The following SMIM31 variants were observed in gnomAD, a reference collection of about 807,000 sequenced individuals.
SMIM31 encodes small integral membrane protein 31, also known as human epithelial cell program regulator.
At chr4:164,754,972 G>T (rs1449747455) in intron 1 of SMIM31, among the ~76,000 whole-genome samples, 3 of 150,414 alleles carry the variant, frequency 2.0e-5, no homozygotes, top group African/African-American at 7.3e-5. Flanking sequence ...GTTATTAAAA[G>T]CCTTTAGAAA....
At chr4:164,794,115 G>A (rs1317935613) in intron 2 of SMIM31, among the ~76,000 whole-genome samples, 3 of 152,196 alleles carry the variant, frequency 2.0e-5, no homozygotes, top group Non-Finnish European at 2.9e-5. Context: ...AGTGGCTCAC[G>A]TCTGTAACCC....
At chr4:164,783,726 G>A (rs773101107) in intron 2 of SMIM31, among the ~76,000 whole-genome samples, 2 of 151,928 alleles carry the variant, frequency 1.3e-5, no homozygotes, top group Non-Finnish European at 2.9e-5. Context: ...AGACCAGCCT[G>A]AGCAACACAG....
chr4:164,789,027 A>G (rs980506664), intron 2 of SMIM31, among the ~76,000 whole-genome samples: 8 of 151,076 alleles, frequency 5.3e-5, no homozygotes, highest in African/African-American at 2.0e-4. Flanking sequence ...AAAACAAGAT[A>G]CTGATTTGTG....
intron 2 of SMIM31, among the ~76,000 whole-genome samples, chr4:164,787,080 A>G (rs1441912968): frequency 6.6e-6 from 1 of 152,348 alleles, no homozygotes; most frequent in Non-Finnish European, 1.5e-5. Flanking sequence ...TCCTACCCTC[A>G]GGGATAGAAT....
chr4:164,771,693 C>T (rs1052887801), intron 2 of SMIM31, among the ~76,000 whole-genome samples: 7 of 152,168 alleles, frequency 4.6e-5, no homozygotes, highest in Non-Finnish European at 7.4e-5. Flanking sequence ...CCTGTAGCTC[C>T]AGCCACTCAG....
At chr4:164,777,002 T>C (rs930483375) in intron 2 of SMIM31, among the ~76,000 whole-genome samples, 3 of 152,220 alleles carry the variant, frequency 2.0e-5, no homozygotes, top group Non-Finnish European at 4.4e-5. Flanking sequence ...GACTTGTATA[T>C]GAGCAGAATC....
rs1169920655 is a variant in SMIM31 at position 164,802,480 on chromosome 4, T to C, written c.*1286T>C. The C allele has an allele frequency of 2.0e-5, 3 of 152,328 alleles. No individual in the cohort carries two copies. Among genetic ancestry groups the C allele is most frequent in the Non-Finnish European group, 2.9e-5 (2 of 68,122 alleles). The allele number at this position is 152,328 out of a possible 1,614,324, so 9.4% of individuals were successfully genotyped here. Reference sequence around the variant, plus strand: ...TCCAAATCCTGGACTCAAGCGATCCTCTGCCTTAGCCTCCCAAAGCACTGG... The same window carrying C: ...TCCAAATCCTGGACTCAAGCGATCCCCTGCCTTAGCCTCCCAAAGCACTGG... On this transcript the variant is annotated 3_prime_UTR_variant, in exon 3 of 3. Transcript: ENST00000507311.
intron 2 of SMIM31, among the ~76,000 whole-genome samples, chr4:164,794,760 A>G (rs1733166586): frequency 6.6e-6 from 1 of 151,784 alleles, no homozygotes; most frequent in Non-Finnish European, 1.5e-5. Flanking sequence ...AGCTGAGATC[A>G]GGCCACTGCA....
At chr4:164,791,246 C>T (rs954362397) in intron 2 of SMIM31, among the ~76,000 whole-genome samples, 4 of 152,090 alleles carry the variant, frequency 2.6e-5, no homozygotes, top group Admixed American at 1.3e-4. Context: ...ATATTTAAAT[C>T]TGTTAGACAT....
At chr4:164,762,012 T>A (rs1367929415) in intron 1 of SMIM31, among the ~76,000 whole-genome samples, 3 of 152,164 alleles carry the variant, frequency 2.0e-5, no homozygotes, top group African/African-American at 7.2e-5. Context: ...GAGCTCCTGC[T>A]AGCTCAGCCA....
chr4:164,773,839 G>A (rs1207619928), intron 2 of SMIM31, among the ~76,000 whole-genome samples: 2 of 152,144 alleles, frequency 1.3e-5, no homozygotes, highest in African/African-American at 4.8e-5. Context: ...CTTCTTGGGA[G>A]TCTTCGTGAT....
intron 2 of SMIM31, among the ~76,000 whole-genome samples, chr4:164,771,447 A>G (rs1288997859): frequency 6.6e-6 from 1 of 152,178 alleles, no homozygotes; most frequent in Non-Finnish European, 1.5e-5. Context: ...GTGGCACTTA[A>G]TAAAATCTTG....
At chr4:164,770,380 A>T (rs1307803776) in intron 1 of SMIM31, 39 bp from the exon 2 acceptor site, 3 of 398,554 alleles carry the variant, frequency 7.5e-6, no homozygotes, top group Non-Finnish European at 1.3e-5. Context: ...CTCTCTCTGG[A>T]TTAGAGTATG....
chr4:164,789,520 C>A (rs566995185), intron 2 of SMIM31, among the ~76,000 whole-genome samples: 1 of 152,260 alleles, frequency 6.6e-6, no homozygotes, highest in South Asian at 2.1e-4. Flanking sequence ...AGAGAAAATT[C>A]ACTGGGTAGA....
At chr4:164,761,158 T>A (rs571559621) in intron 1 of SMIM31, among the ~76,000 whole-genome samples, 1 of 152,354 alleles carries the variant, frequency 6.6e-6, no homozygotes, top group South Asian at 2.1e-4. Context: ...TATTTGAGTG[T>A]GAATTTTTCA....
chr4:164,769,236 G>T (rs1469405485), intron 1 of SMIM31, among the ~76,000 whole-genome samples: 1 of 152,050 alleles, frequency 6.6e-6, no homozygotes, highest in Non-Finnish European at 1.5e-5. Flanking sequence ...ACATGGAGAT[G>T]CCATTAATAT....
At chr4:164,796,468 G>T (rs1218438980) in intron 2 of SMIM31, among the ~76,000 whole-genome samples, 2 of 152,024 alleles carry the variant, frequency 1.3e-5, no homozygotes, top group African/African-American at 4.8e-5. Flanking sequence ...ATTCCCTTGG[G>T]GATCGCTTTT....
chr4:164,768,427 CAAAAA>C (rs758951225), intron 1 of SMIM31, among the ~76,000 whole-genome samples: 1 of 94,716 alleles, frequency 1.1e-5, no homozygotes, highest in Admixed American at 1.4e-4. Flanking sequence ...CAGTACATCT[CAAAAA>C]AAAAAAAAAA....
At chr4:164,770,952 G>A (rs11100576) in intron 2 of SMIM31, among the ~76,000 whole-genome samples, 85,636 of 151,888 alleles carry the variant, frequency 0.56, 24,417 homozygotes, top group Admixed American at 0.63. Context: ...CATTTCAGAC[G>A]AAATTGATAA....
Sources: allele counts gnomAD v4.1 joint callset (sites outside exome capture counted in the v4.1 genomes callset), GRCh38; gene constraint gnomAD v4.1.1; transcripts MANE v1.5; gene names NCBI Gene and HGNC (gene_info 2026-07-23, HGNC 2026-07-21).